The following DGKB variants were observed in gnomAD, a reference collection of about 807,000 sequenced individuals.
DGKB encodes 90 kDa diacylglycerol kinase.
DGKB carries 67 observed loss-of-function variants against 114.3 expected under a neutral mutation model. The ratio of observed to expected loss-of-function variants is 0.59; its 90% confidence interval spans 0.48 to 0.72. DGKB has a LOEUF of 0.72. Among genes scored for constraint, DGKB ranks in the 30% least tolerant of loss-of-function variants. The pLI, the probability that DGKB is intolerant of heterozygous loss-of-function variation, is 0.00. For synonymous variants in DGKB, 398 were observed against 323.1 expected, an observed-to-expected ratio of 1.23 and a Z score of -2.49; for missense variants, 907 against 975.2, an observed-to-expected ratio of 0.93 and a Z score of 0.93.
At chr7:14,298,050 A>G (rs985054625) in intron 23 of DGKB, among the ~76,000 whole-genome samples, 3 of 152,206 alleles carry the variant, frequency 2.0e-5, no homozygotes, top group African/African-American at 7.2e-5. Context: ...TCAAGGAAAG[A>G]AGAAAGAATA....
intron 8 of DGKB, 76 bp downstream of exon 8, chr7:14,698,019 G>C (rs1197712535): frequency 1.1e-5 from 8 of 745,914 alleles, no homozygotes; most frequent in Non-Finnish European, 1.8e-5. Flanking sequence ...GAAAGAAAGA[G>C]AAAGAAAGAA....
intron 1 of DGKB, among the ~76,000 whole-genome samples, chr7:14,928,315 G>A (rs1475124235): frequency 6.6e-6 from 1 of 151,738 alleles, no homozygotes; most frequent in Non-Finnish European, 1.5e-5. Context: ...TAAATACCTA[G>A]TTATCCTACT....
intron 15 of DGKB, among the ~76,000 whole-genome samples, chr7:14,614,215 A>T (rs62445607): frequency 0.016 from 2,471 of 152,256 alleles, 30 homozygotes; most frequent in South Asian, 0.024. Context: ...CCACGATGGG[A>T]AATAAAGCAG....
intron 21 of DGKB, among the ~76,000 whole-genome samples, chr7:14,448,314 G>A (rs1255865009): frequency 3.3e-5 from 5 of 152,086 alleles, no homozygotes; most frequent in African/African-American, 1.2e-4. Flanking sequence ...TGAAAGTTGT[G>A]GTTGATCTCA....
intron 23 of DGKB, among the ~76,000 whole-genome samples, chr7:14,297,456 CAT>C (rs1384941881): frequency 6.6e-6 from 1 of 152,178 alleles, no homozygotes. Context: ...ACAAAAACCA[CAT>C]GATTATCTCA....
chr7:14,811,154 G>C (rs567282312), intron 2 of DGKB, among the ~76,000 whole-genome samples: 1 of 152,150 alleles, frequency 6.6e-6, no homozygotes, highest in Non-Finnish European at 1.5e-5. Flanking sequence ...AATAGATCTC[G>C]CTGAAATACG....
intron 2 of DGKB, among the ~76,000 whole-genome samples, chr7:14,798,403 C>T (rs1418469336): frequency 2.0e-5 from 3 of 152,174 alleles, no homozygotes; most frequent in Non-Finnish European, 4.4e-5. Flanking sequence ...TCAAGCTCCA[C>T]ATTATTGCTG....
At chr7:14,928,395 ATCTTGTTTCC>A (rs1289871237) in intron 1 of DGKB, among the ~76,000 whole-genome samples, 2 of 151,956 alleles carry the variant, frequency 1.3e-5, no homozygotes, top group Non-Finnish European at 2.9e-5. Flanking sequence ...ACAAATATAT[ATCTTGTTTCC>A]TCTGTTCACT....
intron 5 of DGKB, among the ~76,000 whole-genome samples, chr7:14,719,518 AT>A (rs1828797064): frequency 6.6e-6 from 1 of 152,010 alleles, no homozygotes; most frequent in Non-Finnish European, 1.5e-5. Flanking sequence ...GATATATGGC[AT>A]TTTTAGAGGT....
intron 7 of DGKB, among the ~76,000 whole-genome samples, 171 bp from the exon 8 acceptor site, chr7:14,698,340 A>C (rs1824459531): frequency 6.6e-6 from 1 of 152,152 alleles, no homozygotes; most frequent in African/African-American, 2.4e-5. Context: ...CTATATAAAG[A>C]AAAAAGAATC....
chr7:14,600,473 A>G (rs1411683541), intron 17 of DGKB, among the ~76,000 whole-genome samples: 1 of 152,142 alleles, frequency 6.6e-6, no homozygotes, highest in Non-Finnish European at 1.5e-5. Flanking sequence ...GCATCAACTA[A>G]AAAGTCTAAA....
chr7:14,571,843 G>T (rs1261620028), intron 20 of DGKB, among the ~76,000 whole-genome samples: 1 of 152,144 alleles, frequency 6.6e-6, no homozygotes, highest in East Asian at 1.9e-4. Flanking sequence ...TGACACAGGG[G>T]TGATCTCTAG....
intron 12 of DGKB, among the ~76,000 whole-genome samples, chr7:14,678,861 G>C (rs1004716868): frequency 1.3e-5 from 2 of 151,912 alleles, no homozygotes; most frequent in Non-Finnish European, 2.9e-5. Flanking sequence ...GATATTTTAA[G>C]TAGGAAATGA....
intron 9 of DGKB, among the ~76,000 whole-genome samples, chr7:14,686,706 A>C (rs1821748501): frequency 6.6e-6 from 1 of 152,282 alleles, no homozygotes; most frequent in Non-Finnish European, 1.5e-5. Flanking sequence ...AATCTACAGT[A>C]ACTAATTCTT....
chr7:14,443,812 A>C (rs1029349675), intron 21 of DGKB, among the ~76,000 whole-genome samples: 2 of 152,062 alleles, frequency 1.3e-5, no homozygotes, highest in East Asian at 3.9e-4. Context: ...TGATCCCTGG[A>C]TTCAAAATTT....
chr7:14,940,109 A>G (rs1460412228), intron 1 of DGKB, among the ~76,000 whole-genome samples: 3 of 152,152 alleles, frequency 2.0e-5, no homozygotes, highest in Non-Finnish European at 4.4e-5. Context: ...CTGCTAAAAA[A>G]TGATGGTCTT....
At chr7:14,701,833 A>G (rs1825242243) in intron 6 of DGKB, 103 bp from the exon 7 acceptor site, 2 of 757,036 alleles carry the variant, frequency 2.6e-6, no homozygotes, top group Non-Finnish European at 4.6e-6. Flanking sequence ...AACAAATACT[A>G]AATTCCTCTC....
At chr7:14,249,939 T>G (rs1794985826) in intron 23 of DGKB, among the ~76,000 whole-genome samples, 1 of 151,792 alleles carries the variant, frequency 6.6e-6, no homozygotes, top group African/African-American at 2.4e-5. Context: ...ATTCAAAATC[T>G]TTTTCCTTTC....
chr7:14,512,785 C>T (rs978507722), intron 20 of DGKB, among the ~76,000 whole-genome samples: 2 of 152,026 alleles, frequency 1.3e-5, no homozygotes, highest in African/African-American at 2.4e-5. Context: ...TATTATTATA[C>T]AGGTTTTGAA....
Sources: gnomAD v4.1 joint callset for allele counts (sites outside exome capture counted in the v4.1 genomes callset) on GRCh38, gnomAD v4.1.1 for gene constraint, MANE v1.5 for transcripts, NCBI Gene and HGNC (gene_info 2026-07-23, HGNC 2026-07-21) for gene names.